The following CFAP36 variants were observed in gnomAD, a reference collection of about 807,000 sequenced individuals.
CFAP36 encodes cilia and flagella associated protein 36.
In CFAP36, 37 loss-of-function variants were observed where a neutral mutation model predicts 50.5. The observed-to-expected ratio is 0.73, with a 90% CI of 0.56 to 0.96. The LOEUF is 0.96. CFAP36 is among the 50% of genes least tolerant of loss of function. The probability of loss-of-function intolerance (pLI) is 0.00; values close to 1 mark genes in which losing one functional copy is unlikely to be tolerated. For missense variants in CFAP36, 407 were observed against 396.2 expected (o/e 1.03, Z -0.23); for synonymous variants, 138 against 128.2 (o/e 1.08, Z -0.52).
At chr2:55,538,147 A>G (rs900080558) in intron 7 of CFAP36, among the ~76,000 whole-genome samples, 1 of 152,208 alleles carries the variant, frequency 6.6e-6, no homozygotes, top group Non-Finnish European at 1.5e-5. Flanking sequence ...TTTCTATATA[A>G]GAAAACAAGT....
chr2:55,520,352 G>C, intron 1 of CFAP36: 2 of 1,439,900 alleles, frequency 1.4e-6, no homozygotes, highest in Non-Finnish European at 1.9e-6. Flanking sequence ...CTAGCATTTC[G>C]CCCGGTGTAG....
intron 3 of CFAP36, among the ~76,000 whole-genome samples, chr2:55,528,454 G>A (rs1379204946): frequency 6.6e-6 from 1 of 151,808 alleles, no homozygotes; most frequent in African/African-American, 2.4e-5. Flanking sequence ...GAGTGCAGAG[G>A]TGCGATCTTG....
At chr2:55,535,640 T>G (rs533202621) in intron 5 of CFAP36, 72 bp from the exon 6 acceptor site, 2 of 1,111,780 alleles carry the variant, frequency 1.8e-6, no homozygotes, top group Admixed American at 3.3e-5. Flanking sequence ...GTTAGCATGT[T>G]GCTTAGTTGA....
At position 55,519,756 on chromosome 2, in the gene CFAP36, C is replaced by T; in HGVS notation, c.-46C>T. ...GTGGCCCAAAGGCCTAACCGGGGTC[C>T]GGCGGTCTGGCCTAGGGATCTTCCC... On this transcript the variant is annotated 5_prime_UTR_variant, in exon 1 of 10. Coordinates refer to ENST00000349456, the MANE Select transcript of CFAP36 (RefSeq NM_080667.7). 3 of 1,600,448 alleles carry T rather than the reference C, an allele frequency of 1.9e-6. No homozygotes were observed. Among genetic ancestry groups the T allele is most frequent in the South Asian group, 1.1e-5 (1 of 90,784 alleles).
In CFAP36 at chr2:55,527,422, A is replaced by G. The variant is rs143440151; in HGVS notation, c.283-1456A>G. On this transcript the variant is annotated intron_variant, in intron 3 of 9. Coordinates refer to ENST00000349456, the MANE Select transcript of CFAP36 (RefSeq NM_080667.7). ...ACGTGGTGAAACCCGTCTCTACTAA[A>G]AATACAAAAATTAGCCGGGTGTGGT... is the stretch of plus-strand genomic sequence containing the variant. 7.4e-3 allele frequency among the ~76,000 whole-genome samples: 1,131 copies of G among 152,120 alleles called. 19 individuals carry two copies. The highest frequency in any genetic ancestry group is 0.026 in the African/African-American group (1,080 of 41,498).
At chr2:55,523,373 C>T (rs763412263) in intron 2 of CFAP36, among the ~76,000 whole-genome samples, 3 of 151,626 alleles carry the variant, frequency 2.0e-5, no homozygotes, top group Non-Finnish European at 4.4e-5. Flanking sequence ...CGAGATCGTA[C>T]CACTGCACTC....
intron 7 of CFAP36, chr2:55,539,259 T>C (rs898376310): frequency 6.6e-6 from 1 of 152,658 alleles, no homozygotes; most frequent in African/African-American, 2.4e-5. Context: ...AAATTCTTTG[T>C]GCTCTGCCTA....
chr2:55,538,684 C>G (rs538308907), intron 7 of CFAP36: 6 of 1,191,712 alleles, frequency 5.0e-6, no homozygotes, highest in Non-Finnish European at 7.1e-6. Context: ...CTCAAGTGAT[C>G]CTCCTGCCTC....
rs369074330 is a variant in CFAP36 at position 55,519,810 on chromosome 2, G to A, written c.9G>A (p.Ala3=). The change falls in exon 1 of 10, where the codon GCG becomes GCA. Residue 3 remains alanine, a synonymous_variant. Coordinates refer to ENST00000349456, the MANE Select transcript of CFAP36 (RefSeq NM_080667.7). ...TGCCCCTTTGGGGCGGGATGGCTGC[G>A]GAAGAAGAAGACGAGGTGGAGTGGG... is the stretch of plus-strand genomic sequence containing the variant. MA[A]EEEDEVEWVV... 1 of 1,614,132 alleles carries A rather than the reference G, an allele frequency of 6.2e-7. No individual in the cohort carries two copies. Among genetic ancestry groups the A allele is most frequent in the African/African-American group, 1.3e-5 (1 of 74,958 alleles).
intron 4 of CFAP36, among the ~76,000 whole-genome samples, chr2:55,529,882 G>A (rs1054781085): frequency 3.9e-5 from 6 of 151,982 alleles, no homozygotes; most frequent in South Asian, 2.1e-4. Flanking sequence ...TCCTGACCTC[G>A]TGATCCGCCC....
Position 55,544,164 on chromosome 2 carries a change from G to A in CFAP36, c.778-56G>A, listed in dbSNP as rs1284067360. ...GAATTGAATCACTCAGTGGGCATCT[G>A]TGCTACTTACTAAATGGATTTGAAT... On this transcript the variant is annotated intron_variant, in intron 8 of 9. Coordinates refer to ENST00000349456, the MANE Select transcript of CFAP36 (RefSeq NM_080667.7). The A allele has an allele frequency of 1.9e-6, 3 of 1,609,228 alleles. No homozygotes were observed. The African/African-American group carries it at 4.0e-5, about 22-fold the overall frequency.
intron 7 of CFAP36, among the ~76,000 whole-genome samples, chr2:55,540,831 C>T (rs926493363): frequency 7.9e-5 from 12 of 151,378 alleles, no homozygotes; most frequent in Admixed American, 1.3e-4. Flanking sequence ...GGCAATTTGG[C>T]GAAACCCTGT....
intron 3 of CFAP36, among the ~76,000 whole-genome samples, chr2:55,527,043 A>G (rs1684226998): frequency 6.7e-6 from 1 of 150,306 alleles, no homozygotes; most frequent in Non-Finnish European, 1.5e-5. Context: ...TAATAATAAT[A>G]ATAAAATAAT....
Position 55,521,993 on chromosome 2 carries a change from A to G in CFAP36, c.116-109A>G, listed in dbSNP as rs1684080736. ...TTAAAAGATAAACCCTAAGAATTCAAAGCTGAAGAGCTAGGTTGACAGTTC... is the reference window on the plus strand; with the variant it reads ...TTAAAAGATAAACCCTAAGAATTCAGAGCTGAAGAGCTAGGTTGACAGTTC... On this transcript the variant is annotated intron_variant, in intron 1 of 9. Coordinates refer to ENST00000349456, the MANE Select transcript of CFAP36 (RefSeq NM_080667.7). The G allele has an allele frequency of 2.1e-5, 13 of 606,236 alleles. No individual in the cohort carries two copies. In the South Asian group the frequency reaches 2.6e-4, roughly 12 times the overall value. 37.6% of individuals were successfully genotyped at this position (606,236 alleles called of 1,614,324 possible).
At chr2:55,526,443 T>C (rs914522850) in intron 3 of CFAP36, among the ~76,000 whole-genome samples, 8 of 152,330 alleles carry the variant, frequency 5.3e-5, no homozygotes, top group Middle Eastern at 3.4e-3. Flanking sequence ...CTTTTTTGTT[T>C]GTTTGTTTTT....
chr2:55,537,382 AAAAG>A (rs1684515627), intron 6 of CFAP36, 97 bp from the exon 7 acceptor site: 2 of 842,714 alleles, frequency 2.4e-6, no homozygotes, highest in Non-Finnish European at 1.8e-6. Flanking sequence ...AAAGAAAAAA[AAAAG>A]AAAACTATAA....
rs749231499 is a variant in CFAP36 at position 55,519,889 on chromosome 2, T to C, written c.88T>C (p.Leu30=). The change falls in exon 1 of 10, where the codon TTG becomes CTG. Residue 30 remains leucine, a synonymous_variant. Coordinates refer to ENST00000349456, the MANE Select transcript of CFAP36 (RefSeq NM_080667.7). ...LRGPDWSIPI[L]DFVEQKCEVF... ...AGGCCCAGACTGGTCCATCCCCATC[T>C]TGGACTTTGTGGAACAGAAATGTGA... 2 of 1,614,192 alleles carry C rather than the reference T, an allele frequency of 1.2e-6. No individual in the cohort carries two copies. The highest frequency in any genetic ancestry group is 1.7e-5 in the Admixed American group (1 of 60,024).
At position 55,523,707 on chromosome 2, in the gene CFAP36, C is replaced by T; in HGVS notation, c.181-14C>T. ...TTTCTATGTAATTATAAAAGTTAAA[C>T]TTTGTTTTTTTAGGTTGAAAAGCTG... On this transcript the variant is annotated splice_polypyrimidine_tract_variant and intron_variant, in intron 2 of 9. Transcript: ENST00000349456. The T allele has an allele frequency of 6.5e-7, 1 of 1,530,536 alleles. No homozygotes were observed. The highest frequency in any genetic ancestry group is 9.0e-7 in the Non-Finnish European group (1 of 1,116,936). 94.8% of individuals were successfully genotyped at this position (1,530,536 alleles called of 1,614,324 possible).
In CFAP36 at chr2:55,544,045, G is replaced by C. The variant is rs747283308; in HGVS notation, c.748G>C (p.Glu250Gln). 1.9e-6 allele frequency: 3 copies of C among 1,613,848 alleles called. No homozygotes were observed. In the African/African-American group the frequency reaches 4.0e-5, roughly 22 times the overall value. The part of the protein sequence containing the change: ...PQKDLKIPGL[E>Q]HASIEGPIAN... ...AAAAGACCTGAAGATTCCTGGCTTA[G>C]AGCATGCGAGCATTGAAGGACCAAT... The change falls in exon 8 of 10, where the codon GAG becomes CAG. Residue 250 changes from glutamate to glutamine, a missense_variant. Glu to Gln is a conservative substitution (Grantham distance 29, BLOSUM62 2). Coordinates refer to ENST00000349456, the MANE Select transcript of CFAP36 (RefSeq NM_080667.7).
Sources: allele counts gnomAD v4.1 joint callset (sites outside exome capture counted in the v4.1 genomes callset), GRCh38; gene constraint gnomAD v4.1.1; transcripts MANE v1.5; gene names NCBI Gene and HGNC (gene_info 2026-07-23, HGNC 2026-07-21).